The following ANO7 variants were observed in gnomAD, a reference collection of about 807,000 sequenced individuals.
The protein encoded by ANO7 is anoctamin 7.
ANO7 carries 114 observed loss-of-function variants against 115.8 expected under a neutral mutation model. That is an observed-to-expected ratio of 0.98 (90% CI 0.85 to 1.15). The LOEUF (loss-of-function observed/expected upper bound fraction) is 1.15, where lower values mean the gene tolerates loss of function less well. Among genes scored for constraint, ANO7 ranks in the 50% most tolerant of loss-of-function variants. The pLI is 0.00. For synonymous variants in ANO7, 550 were observed against 498.2 expected (o/e 1.10, Z -1.38); for missense variants, 1,302 against 1,201.2 (o/e 1.08, Z -1.24).
In ANO7 at chr2:241,191,186, C is replaced by T; in HGVS notation, c.109-8C>T. The stretch of plus-strand genomic sequence containing the variant: ...CTGATATGCTTCTCCATCCTCCATG[C>T]CTTCCAGCCAGGTGGACAGCAAGCG... On this transcript the variant is annotated splice_polypyrimidine_tract_variant and splice_region_variant and intron_variant, in intron 2 of 24. Coordinates refer to ENST00000674324, the MANE Select transcript of ANO7 (RefSeq NM_001370694.2). 6.2e-7 allele frequency: 1 copy of T among 1,613,914 alleles called. No homozygotes were observed. Among genetic ancestry groups the T allele is most frequent in the African/African-American group, 1.3e-5 (1 of 75,056 alleles).
At position 241,223,922 on chromosome 2, in the gene ANO7, C is replaced by T. The variant is rs111682891; in HGVS notation, c.2550C>T (p.Asn850=). 55 of 1,613,146 alleles carry T rather than the reference C, an allele frequency of 3.4e-5. No homozygotes were observed. In the African/African-American group the frequency reaches 4.5e-4, roughly 13 times the overall value. Residue 850 remains asparagine (N), a synonymous_variant, in exon 24 of 25, where the codon AAC becomes AAT. Transcript: ENST00000674324. Reference sequence around the variant, plus strand: ...GGGGACAGGTTCTTTTTGGAACGAACGGAACAAAGGATGAGCAGCCCGAGG... The same window carrying T: ...GGGGACAGGTTCTTTTTGGAACGAATGGAACAAAGGATGAGCAGCCCGAGG... The part of the protein sequence containing the change: ...LAENEVLFGT[N]GTKDEQPEGS...
At chr2:241,226,489 A>G (rs901554266), downstream of ANO7, among the ~76,000 whole-genome samples, 2 of 150,588 alleles carry the variant, frequency 1.3e-5, no homozygotes, top group African/African-American at 4.9e-5. Context: ...CAGTGGTACG[A>G]TCTCGGCTCA....
chr2:241,235,104 G>T, the ANO7 span: 1 of 1,610,302 alleles, frequency 6.2e-7, no homozygotes, highest in Non-Finnish European at 8.5e-7. Context: ...GCAGTGCCCC[G>T]GCCACCTCCT....
Position 241,200,150 on chromosome 2 carries a change from A to C in ANO7, c.479A>C (p.Asn160Thr), listed in dbSNP as rs747733500. 6.2e-7 allele frequency: 1 copy of C among 1,613,160 alleles called. No individual in the cohort carries two copies. The highest frequency in any genetic ancestry group is 1.7e-5 in the Admixed American group (1 of 60,018). The change falls in exon 6 of 25, where the codon AAC becomes ACC. Residue 160 changes from asparagine to threonine, a missense_variant. Transcript: ENST00000674324. ...AGLLAWLGIPNVLLEVVPDVP... is the reference protein window; with the variant it reads ...AGLLAWLGIPTVLLEVVPDVP... ...CTGCTGGCATGGCTGGGCATCCCCAACGTCCTGCTGGAGGTTGTGCCAGAC... is the reference window on the plus strand; with the variant it reads ...CTGCTGGCATGGCTGGGCATCCCCACCGTCCTGCTGGAGGTTGTGCCAGAC...
At position 241,188,832 on chromosome 2, in the gene ANO7, G is replaced by A. The variant is rs1574748602; in HGVS notation, c.-8+66G>A. The A allele has an allele frequency of 6.4e-7, 1 of 1,559,144 alleles. No homozygotes were observed. Among genetic ancestry groups the A allele is most frequent in the East Asian group, 2.3e-5 (1 of 43,988 alleles). On this transcript the variant is annotated intron_variant, in intron 1 of 24. Coordinates refer to ENST00000674324, the MANE Select transcript of ANO7 (RefSeq NM_001370694.2). The surrounding 1 kb of genome is among the most constrained non-coding windows in gnomAD (Gnocchi z 4.3). Reference sequence around the variant, plus strand: ...TGGAGCGTTGGACTCTAGGGAGGCAGGGCGGCACCCCAGCCCACCGGGACT... The same window carrying A: ...TGGAGCGTTGGACTCTAGGGAGGCAAGGCGGCACCCCAGCCCACCGGGACT...
chr2:241,232,768 C>T, the ANO7 span, among the ~76,000 whole-genome samples: 33 of 152,032 alleles, frequency 2.2e-4, no homozygotes, highest in East Asian at 4.8e-3. Context: ...GAGCCGAGAT[C>T]GCGCCACTGC....
chr2:241,228,744 T>G (rs1411309486), downstream of ANO7: 1 of 152,980 alleles, frequency 6.5e-6, no homozygotes, highest in Non-Finnish European at 1.5e-5. Flanking sequence ...AGGGAGGGGC[T>G]GCAGGTGGTG....
At chr2:241,217,620 G>A (rs1233984666) in intron 19 of ANO7, 66 bp from the exon 20 acceptor site, 2 of 1,515,156 alleles carry the variant, frequency 1.3e-6, no homozygotes, top group Non-Finnish European at 8.9e-7. Flanking sequence ...TCCTCCGCGG[G>A]GGGCGCGTTC....
rs1267738741 is a variant in ANO7 at position 241,216,205 on chromosome 2, T to C, written c.1939T>C (p.Cys647Arg). ...GGAGGACGACTATGAGCTTGTGCCC[T>C]GTGAGGGTCTGTTTGACGAGTACCT... ...PWEDDYELVP[C>R]EGLFDEYLEM... The change falls in exon 19 of 25, where the codon TGT (cysteine) becomes CGT (arginine). Residue 647 changes from cysteine to arginine, a missense_variant. Transcript: ENST00000674324. The C allele has an allele frequency of 3.7e-6, 6 of 1,610,512 alleles. No individual in the cohort carries two copies. The East Asian group carries it at 8.9e-5, about 24-fold the overall frequency.
chr2:241,218,230 G>A lies in ANO7; in HGVS notation c.2179-9G>A, dbSNP rs1392371987. 7.5e-6 allele frequency: 11 copies of A among 1,473,094 alleles called. No individual in the cohort carries two copies. Among genetic ancestry groups the A allele is most frequent in the African/African-American group, 2.9e-5 (2 of 67,990 alleles). The allele number at this position is 1,473,094 out of a possible 1,614,324, so 91.3% of individuals were successfully genotyped here. A position where few individuals can be genotyped will look rare whatever the true frequency, so the allele number is the denominator to read the frequency against. Reference sequence around the variant, plus strand: ...GGGGCCGCCTCGCGCTGACCCCTCCGGCGCCCAGGCCTTCCTCCTGGCCTT... The same window carrying A: ...GGGGCCGCCTCGCGCTGACCCCTCCAGCGCCCAGGCCTTCCTCCTGGCCTT... On this transcript the variant is annotated splice_polypyrimidine_tract_variant and intron_variant, in intron 20 of 24. Transcript: ENST00000674324.
the ANO7 span, among the ~76,000 whole-genome samples, chr2:241,234,409 T>TATG: frequency 6.6e-6 from 1 of 152,120 alleles, no homozygotes. Context: ...AGGCTACAGG[T>TATG]ATGACCTGGC....
At chr2:241,239,812 C>G in the ANO7 span, 7 of 1,613,748 alleles carry the variant, frequency 4.3e-6, no homozygotes, top group African/African-American at 9.3e-5. The surrounding 1 kb of genome is among the most constrained non-coding windows in gnomAD (Gnocchi z 4.6). Flanking sequence ...AGTCTTCCAC[C>G]ACATTATCCT....
In ANO7 at chr2:241,190,042, C is replaced by T; in HGVS notation, c.-7-15C>T. The T allele has an allele frequency of 6.4e-7, 1 of 1,557,396 alleles. No individual in the cohort carries two copies. The highest frequency in any genetic ancestry group is 8.7e-7 in the Non-Finnish European group (1 of 1,150,438). ...CTCTCTGACCCCCATCCCCACCCGG[C>T]CTTGCTGGGTGCAGGAGCAGGATGC... On this transcript the variant is annotated splice_polypyrimidine_tract_variant and intron_variant, in intron 1 of 24. Transcript: ENST00000674324.
intron 21 of ANO7, among the ~76,000 whole-genome samples, chr2:241,219,623 A>C (rs2068959521): frequency 6.6e-6 from 1 of 150,954 alleles, no homozygotes; most frequent in Non-Finnish European, 1.5e-5. Flanking sequence ...TCTAGAATGC[A>C]CTGCCACAAT....
downstream of ANO7, chr2:241,229,486 G>C (rs1446929478): frequency 1.0e-5 from 8 of 764,830 alleles, no homozygotes; most frequent in Non-Finnish European, 1.7e-5. Context: ...CCTCGGGAAG[G>C]GGGAAGAGCG....
intron 4 of ANO7, among the ~76,000 whole-genome samples, chr2:241,196,507 G>C (rs1465613991): frequency 6.6e-6 from 1 of 152,234 alleles, no homozygotes; most frequent in East Asian, 1.9e-4. Flanking sequence ...GCTGTCACCT[G>C]TCCTCTCCCT....
At chr2:241,208,958 G>A (rs953876275) in intron 11 of ANO7, among the ~76,000 whole-genome samples, 4 of 152,230 alleles carry the variant, frequency 2.6e-5, no homozygotes, top group Middle Eastern at 3.4e-3. Flanking sequence ...GACCATCCTG[G>A]CTAACACGGT....
chr2:241,200,674 C>T (rs914393399), intron 6 of ANO7, among the ~76,000 whole-genome samples: 3 of 152,242 alleles, frequency 2.0e-5, no homozygotes, highest in African/African-American at 7.2e-5. Flanking sequence ...TGGACAAAGC[C>T]AGTTGCACTA....
chr2:241,234,584 T>TG, the ANO7 span, among the ~76,000 whole-genome samples: 1 of 152,228 alleles, frequency 6.6e-6, no homozygotes, highest in South Asian at 2.1e-4. Flanking sequence ...CCAGAACCCC[T>TG]GCTCCTGTCT....
Sources: gnomAD v4.1 joint callset for allele counts (sites outside exome capture counted in the v4.1 genomes callset) on GRCh38, gnomAD v4.1.1 for gene constraint, Gnocchi (gnomAD v3.1) non-coding constraint, MANE v1.5 for transcripts, NCBI Gene and HGNC (gene_info 2026-07-23, HGNC 2026-07-21) for gene names.